PGBD2: variants seen among roughly 807,000 people sequenced by gnomAD.
PGBD2 encodes the protein piggyBac transposable element derived 2, also known as piggyBac transposable element-derived protein 2.
Under a neutral mutation model 8.1 loss-of-function variants are expected in PGBD2, and 6 were observed. The ratio of observed to expected loss-of-function variants is 0.74; its 90% CI spans 0.40 to 1.46. PGBD2 has a LOEUF of 1.46. Ranked by LOEUF, PGBD2 falls within the 40% of genes most tolerant of loss-of-function variation. The pLI is 0.02. For synonymous variants in PGBD2, 318 were observed against 272.2 expected (o/e 1.17, Z -1.66); for missense variants, 802 against 739.0 (o/e 1.09, Z -0.99).
chr1:248,909,991 C>T (rs2103105573), intron 1 of PGBD2, among the ~76,000 whole-genome samples: 1 of 152,282 alleles, frequency 6.6e-6, no homozygotes, highest in East Asian at 1.9e-4. Flanking sequence ...TGGCTGGAGG[C>T]TGTCAGTCTG....
chr1:248,916,584 T>G lies in PGBD2; in HGVS notation c.18-18T>G. On this transcript the variant is annotated intron_variant, in intron 2 of 2. Coordinates refer to ENST00000329291, the MANE Select transcript of PGBD2 (RefSeq NM_170725.3). ...TTCTGGCATGGCCTCTTCCTGATTC[T>G]GTTTCCTGTCATAACAGAGATGTCA... 1.2e-6 allele frequency: 2 copies of G among 1,609,648 alleles called. No individual in the cohort carries two copies. The highest frequency in any genetic ancestry group is 1.7e-6 in the Non-Finnish European group (2 of 1,176,416).
the PGBD2 span, among the ~76,000 whole-genome samples, chr1:248,884,410 G>A: frequency 1.3e-5 from 2 of 151,684 alleles, no homozygotes; most frequent in African/African-American, 2.4e-5. Flanking sequence ...GCGCGATCTC[G>A]GCTCATTGCA....
chr1:248,883,032 A>G, the PGBD2 span, among the ~76,000 whole-genome samples: 1 of 152,196 alleles, frequency 6.6e-6, no homozygotes, highest in South Asian at 2.1e-4. Flanking sequence ...GTATATAGCT[A>G]ATTGTTCATA....
At chr1:248,899,712 A>T in the PGBD2 span, among the ~76,000 whole-genome samples, 1 of 151,952 alleles carries the variant, frequency 6.6e-6, no homozygotes, top group Non-Finnish European at 1.5e-5. Flanking sequence ...GACAAGAAAT[A>T]ACCAAGATCA....
At chr1:248,922,053 T>C (rs983170946), downstream of PGBD2, among the ~76,000 whole-genome samples, 12 of 150,672 alleles carry the variant, frequency 8.0e-5, no homozygotes, top group African/African-American at 3.0e-4. Flanking sequence ...GGGTTTTCTT[T>C]TCTTTTTTCT....
downstream of PGBD2, among the ~76,000 whole-genome samples, chr1:248,923,571 G>T (rs985385173): frequency 8.5e-5 from 13 of 152,106 alleles, no homozygotes; most frequent in Non-Finnish European, 1.5e-4. Flanking sequence ...TCTCCCACTG[G>T]CTCTTAGCCA....
the PGBD2 span, among the ~76,000 whole-genome samples, chr1:248,891,793 C>T: frequency 1.3e-5 from 2 of 152,126 alleles, no homozygotes; most frequent in Admixed American, 6.5e-5. Flanking sequence ...CACTGCATTC[C>T]AGCCTGGGCA....
the PGBD2 span, among the ~76,000 whole-genome samples, chr1:248,880,722 C>T: frequency 3.3e-5 from 5 of 152,170 alleles, no homozygotes; most frequent in Non-Finnish European, 5.9e-5. Context: ...AGTCTTTGTT[C>T]CTCCTGTTTG....
the PGBD2 span, among the ~76,000 whole-genome samples, chr1:248,882,329 A>T: frequency 6.6e-6 from 1 of 152,224 alleles, no homozygotes; most frequent in African/African-American, 2.4e-5. Context: ...TTAACATAAC[A>T]TCTGTATGCA....
the PGBD2 span, among the ~76,000 whole-genome samples, chr1:248,888,772 G>C: frequency 1.3e-5 from 2 of 152,078 alleles, no homozygotes; most frequent in African/African-American, 4.8e-5. Context: ...TTTTGTTTTT[G>C]TTGCAATTGT....
At chr1:248,873,866 C>T in the PGBD2 span, among the ~76,000 whole-genome samples, 1 of 152,174 alleles carries the variant, frequency 6.6e-6, no homozygotes, top group Non-Finnish European at 1.5e-5. Context: ...TCAGGATGGC[C>T]GAGTGGTCTA....
the PGBD2 span, among the ~76,000 whole-genome samples, chr1:248,890,436 C>G: frequency 7.9e-5 from 12 of 152,116 alleles, no homozygotes; most frequent in Non-Finnish European, 1.5e-4. Flanking sequence ...GAATCTTGCC[C>G]AAGGTCACAA....
chr1:248,921,014 A>T (rs1318943616), downstream of PGBD2, among the ~76,000 whole-genome samples: 3 of 148,756 alleles, frequency 2.0e-5, no homozygotes, highest in Admixed American at 6.7e-5. Flanking sequence ...AAATTTGTTT[A>T]AGTTCTTTGT....
At chr1:248,880,670 A>C in the PGBD2 span, among the ~76,000 whole-genome samples, 1 of 152,306 alleles carries the variant, frequency 6.6e-6, no homozygotes, top group Admixed American at 6.5e-5. Flanking sequence ...GATGATGTTT[A>C]AGTAAGGTGT....
chr1:248,878,232 T>C, the PGBD2 span, among the ~76,000 whole-genome samples: 1 of 151,342 alleles, frequency 6.6e-6, no homozygotes, highest in East Asian at 1.9e-4. Context: ...CAGGCTGGAG[T>C]GCAGGGGCGC....
chr1:248,890,881 C>T, the PGBD2 span, among the ~76,000 whole-genome samples: 761 of 151,258 alleles, frequency 5.0e-3, 12 homozygotes, highest in African/African-American at 0.017. Context: ...CCCCATCACA[C>T]TGCAGATGCT....
chr1:248,907,473 A>G (rs1038518683), intron 1 of PGBD2, among the ~76,000 whole-genome samples: 1 of 152,176 alleles, frequency 6.6e-6, no homozygotes, highest in African/African-American at 2.4e-5. Flanking sequence ...CCACCTCAGC[A>G]CAGACGGGTG....
chr1:248,911,770 G>A (rs1023564541), intron 1 of PGBD2, among the ~76,000 whole-genome samples: 27 of 150,982 alleles, frequency 1.8e-4, no homozygotes, highest in Admixed American at 3.9e-4. Context: ...CCTCCCTCCC[G>A]GACGGGGTGG....
the PGBD2 span, among the ~76,000 whole-genome samples, chr1:248,894,038 G>A: frequency 6.6e-5 from 10 of 152,102 alleles, no homozygotes; most frequent in Non-Finnish European, 1.3e-4. Context: ...GCTGGCCCTG[G>A]CCATTTGTAG....
Sources: gnomAD v4.1 joint callset for allele counts (sites outside exome capture counted in the v4.1 genomes callset) on GRCh38, gnomAD v4.1.1 for gene constraint, MANE v1.5 for transcripts, NCBI Gene and HGNC (gene_info 2026-07-23, HGNC 2026-07-21) for gene names.